The following ABCC4 variants were observed in gnomAD, a reference collection of about 807,000 sequenced individuals.
ABCC4 encodes the protein ATP binding cassette subfamily C member 4 (PEL blood group).
A neutral mutation model predicts 168.5 loss-of-function variants in ABCC4; 102 were observed. The ratio of observed to expected loss-of-function variants is 0.61; its 90% CI spans 0.52 to 0.71. The LOEUF is 0.71. ABCC4 is among the 30% of genes least tolerant of loss of function. The pLI, the probability that ABCC4 is intolerant of heterozygous loss-of-function variation, is 0.00. For synonymous variants in ABCC4, 617 were observed against 590.7 expected, an observed-to-expected ratio of 1.04 and a Z score of -0.65; for missense variants, 1,402 against 1,605.8, an observed-to-expected ratio of 0.87 and a Z score of 2.17.
At chr13:95,156,023 T>C (rs902739839) in intron 19 of ABCC4, among the ~76,000 whole-genome samples, 1 of 152,206 alleles carries the variant, frequency 6.6e-6, no homozygotes, top group Non-Finnish European at 1.5e-5. Flanking sequence ...AACTCATGCT[T>C]ACAAAGAAAA....
At chr13:95,190,862 C>A (rs2038230266) in intron 9 of ABCC4, among the ~76,000 whole-genome samples, 1 of 152,164 alleles carries the variant, frequency 6.6e-6, no homozygotes, top group Non-Finnish European at 1.5e-5. Flanking sequence ...TATTCAAGTC[C>A]CAAATCCTTT....
At chr13:95,227,583 AAC>A (rs2039500554) in intron 4 of ABCC4, among the ~76,000 whole-genome samples, 1 of 152,214 alleles carries the variant, frequency 6.6e-6, no homozygotes, top group Admixed American at 6.5e-5. Flanking sequence ...TCACTTTGAC[AAC>A]ACTGTCAAGA....
intron 1 of ABCC4, among the ~76,000 whole-genome samples, chr13:95,265,546 G>C (rs1040948114): frequency 6.6e-6 from 1 of 152,170 alleles, no homozygotes; most frequent in African/African-American, 2.4e-5. Context: ...TGAGGCTCGA[G>C]GACTGCTTGA....
chr13:95,047,476 C>CT (rs71111586), intron 27 of ABCC4, among the ~76,000 whole-genome samples: 9,481 of 83,310 alleles, frequency 0.11, 1,215 homozygotes, highest in Admixed American at 0.16. Flanking sequence ...ACTGCCTATT[C>CT]TTTTTTTTTT....
At chr13:95,055,074 G>C (rs1271980534) in intron 26 of ABCC4, among the ~76,000 whole-genome samples, 6 of 152,160 alleles carry the variant, frequency 3.9e-5, no homozygotes, top group Non-Finnish European at 8.8e-5. Flanking sequence ...GTCACATGAT[G>C]TTTCTGAATT....
At chr13:95,071,575 C>G (rs1249916547) in intron 25 of ABCC4, 87 bp downstream of exon 25, 1 of 1,165,212 alleles carries the variant, frequency 8.6e-7, no homozygotes, top group Admixed American at 2.9e-5. Context: ...ATCACTGATC[C>G]CCTTCACACA....
chr13:95,257,662 CA>C (rs55944120), intron 1 of ABCC4, among the ~76,000 whole-genome samples: 133,859 of 145,036 alleles, frequency 0.92, 61,829 homozygotes, highest in East Asian at 1. Context: ...GACTTCATCT[CA>C]AAAAAAAAAA....
intron 19 of ABCC4, among the ~76,000 whole-genome samples, chr13:95,142,215 G>A (rs775200919): frequency 2.6e-5 from 4 of 152,166 alleles, no homozygotes; most frequent in African/African-American, 4.8e-5. Context: ...TAAAGAAACC[G>A]TGGAATATAG....
chr13:95,183,405 C>T (rs115794221), intron 11 of ABCC4, among the ~76,000 whole-genome samples: 5,704 of 152,202 alleles, frequency 0.037, 356 homozygotes, highest in African/African-American at 0.13. Flanking sequence ...GGCCATCTAA[C>T]ACCCACCATT....
chr13:95,279,424 C>G (rs1010707324), intron 1 of ABCC4, among the ~76,000 whole-genome samples: 3 of 152,178 alleles, frequency 2.0e-5, no homozygotes, highest in African/African-American at 7.2e-5. Context: ...TGCACTGTGG[C>G]AGAGTGTTTG....
At chr13:95,192,270 T>C (rs1021929324) in intron 9 of ABCC4, among the ~76,000 whole-genome samples, 16 of 152,152 alleles carry the variant, frequency 1.1e-4, no homozygotes, top group African/African-American at 2.2e-4. Flanking sequence ...CCTTCTTTCC[T>C]CTGCAGCTTC....
intron 30 of ABCC4, among the ~76,000 whole-genome samples, chr13:95,025,645 T>C (rs979326764): frequency 3.3e-5 from 5 of 151,146 alleles, no homozygotes; most frequent in African/African-American, 9.7e-5. Context: ...GTTTTAGTCA[T>C]AGGTGAGGAG....
intron 3 of ABCC4, among the ~76,000 whole-genome samples, chr13:95,237,188 A>C (rs2138768045): frequency 6.6e-6 from 1 of 152,294 alleles, no homozygotes; most frequent in African/African-American, 2.4e-5. Context: ...ACGACTACCT[A>C]ATTGTCCAGA....
intron 8 of ABCC4, among the ~76,000 whole-genome samples, chr13:95,195,865 C>G (rs1388723566): frequency 6.6e-6 from 1 of 152,074 alleles, no homozygotes. Flanking sequence ...AACTGCTGGC[C>G]TCAAGCAATC....
chr13:95,180,268 A>G (rs540107158), intron 11 of ABCC4, among the ~76,000 whole-genome samples: 1 of 152,254 alleles, frequency 6.6e-6, no homozygotes, highest in Admixed American at 6.5e-5. Context: ...TAAAAAGACA[A>G]CGCGGCCAGG....
intron 3 of ABCC4, among the ~76,000 whole-genome samples, chr13:95,239,110 T>G (rs2039857379): frequency 6.6e-6 from 1 of 151,876 alleles, no homozygotes; most frequent in Non-Finnish European, 1.5e-5. Flanking sequence ...AAAAAAATAG[T>G]TTGAAAAGAT....
chr13:95,184,211 G>A (rs893904733), intron 11 of ABCC4, among the ~76,000 whole-genome samples: 4 of 152,216 alleles, frequency 2.6e-5, no homozygotes, highest in Non-Finnish European at 5.9e-5. Flanking sequence ...AGGCTGAATG[G>A]CAGCCACTGT....
rs1238460528 is a variant in ABCC4, at chr13:95,053,120, T to G, written c.3431A>C (p.Glu1144Ala). 6.2e-7 allele frequency: 1 copy of G among 1,613,994 alleles called. No individual in the cohort carries two copies. The highest frequency in any genetic ancestry group is 1.3e-5 in the African/African-American group (1 of 74,944). The change falls in exon 27 of 31, where the codon GAG becomes GCG. Residue 1144 changes from glutamate (E) to alanine (A), a missense_variant. Around this residue, in one of 3 missense-constraint regions of ABCC4, gnomAD observed 1,007 missense variants for 1,127.3 expected, o/e 0.89. Transcript: ENST00000645237. ...CTCTTGTAAGGCATTCCACAGTTCC[T>G]CATCCGTGTGCTCATTAAAGGGATC... Reference protein sequence around the residue: ...NLDPFNEHTDEELWNALQEVQ... With the variant: ...NLDPFNEHTDAELWNALQEVQ...
intron 4 of ABCC4, among the ~76,000 whole-genome samples, chr13:95,212,366 C>A (rs1356509160): frequency 6.6e-6 from 1 of 152,092 alleles, no homozygotes; most frequent in Non-Finnish European, 1.5e-5. Flanking sequence ...TAAAGCCAGT[C>A]TTACATACAA....
Sources: allele counts gnomAD v4.1 joint callset (sites outside exome capture counted in the v4.1 genomes callset), GRCh38; gene constraint gnomAD v4.1.1; regional missense constraint gnomAD v4.1.1; transcripts MANE v1.5; gene names NCBI Gene and HGNC (gene_info 2026-07-23, HGNC 2026-07-21).